The following DAGLB variants were observed in gnomAD, a reference collection of about 807,000 sequenced individuals.
The protein encoded by DAGLB is diacylglycerol lipase-beta.
In DAGLB, 66 loss-of-function variants were observed where a neutral mutation model predicts 72.1. The observed-to-expected ratio is 0.92, with a 90% confidence interval of 0.75 to 1.12. The LOEUF (loss-of-function observed/expected upper bound fraction) is 1.12, where lower values mean the gene tolerates loss of function less well. Among genes scored for constraint, DAGLB ranks in the 50% most tolerant of loss-of-function variants. DAGLB has a pLI of 0.00. For synonymous variants in DAGLB, 414 were observed against 359.5 expected (o/e 1.15, Z -1.71); for missense variants, 1,065 against 884.9 (o/e 1.20, Z -2.58).
Position 6,409,635 on chromosome 7 carries a change from G to T in DAGLB, c.*202C>A, listed in dbSNP as rs541472579. The T allele has an allele frequency of 9.1e-6, 6 of 660,524 alleles. No homozygotes were observed. The East Asian group carries it at 1.7e-4, about 19-fold the overall frequency. The allele number at this position is 660,524 out of a possible 1,614,324, so 40.9% of individuals were successfully genotyped here. ...TCAGGAGTCGTCCTATCACCTGAGC[G>T]TGCTCACTACTTCTGCTACCATTAT... On this transcript the variant is annotated 3_prime_UTR_variant, in exon 15 of 15. Transcript: ENST00000297056.
chr7:6,419,949 T>C (rs1784052916), intron 9 of DAGLB, among the ~76,000 whole-genome samples: 1 of 151,770 alleles, frequency 6.6e-6, no homozygotes, highest in African/African-American at 2.4e-5. Context: ...TCAAGACCAG[T>C]CTGGGCAACA....
At chr7:6,421,356 G>C (rs1784116380) in intron 9 of DAGLB, among the ~76,000 whole-genome samples, 1 of 141,942 alleles carries the variant, frequency 7.0e-6, no homozygotes, top group Non-Finnish European at 1.5e-5. Context: ...GGCAGCGCGG[G>C]AGGCGCAGGC....
chr7:6,413,091 C>T, intron 11 of DAGLB, 57 bp from the exon 12 acceptor site: 2 of 1,569,250 alleles, frequency 1.3e-6, no homozygotes, highest in Middle Eastern at 1.8e-4. Context: ...CCCACAAGGG[C>T]TTCCATGAAA....
At position 6,418,900 on chromosome 7, in the gene DAGLB, G is replaced by A. The variant is rs1189735758; in HGVS notation, c.1219-1979C>T. ...AGGATGGTCTCCATCTCCTGACCTC[G>A]TGATCCACCCGCCTCGGCCTCCCAA... is the stretch of plus-strand genomic sequence containing the variant. On this transcript the variant is annotated intron_variant, in intron 9 of 14. Coordinates refer to ENST00000297056, the MANE Select transcript of DAGLB (RefSeq NM_139179.4). 2.6e-5 allele frequency among the ~76,000 whole-genome samples: 4 copies of A among 151,572 alleles called. No homozygotes were observed. In the East Asian group the frequency reaches 5.9e-4, roughly 22 times the overall value.
intron 2 of DAGLB, among the ~76,000 whole-genome samples, chr7:6,440,153 G>A (rs1049571387): frequency 2.0e-5 from 3 of 151,896 alleles, no homozygotes; most frequent in African/African-American, 4.8e-5. Flanking sequence ...AGCACTTTGG[G>A]AGGCTGAGGC....
intron 6 of DAGLB, among the ~76,000 whole-genome samples, chr7:6,429,208 CTGATA>C (rs1299498059): frequency 6.7e-6 from 1 of 150,220 alleles, no homozygotes; most frequent in African/African-American, 2.5e-5. Flanking sequence ...CATGTATCCC[CTGATA>C]TGATACACTA....
At chr7:6,446,909 G>A (rs1284383753) in intron 1 of DAGLB, among the ~76,000 whole-genome samples, 1 of 152,052 alleles carries the variant, frequency 6.6e-6, no homozygotes, top group Non-Finnish European at 1.5e-5. Context: ...ACTTGGAAGA[G>A]TGAAGTGGGA....
chr7:6,414,008 A>C (rs1783820882), intron 11 of DAGLB, among the ~76,000 whole-genome samples: 2 of 152,146 alleles, frequency 1.3e-5, no homozygotes, highest in African/African-American at 4.8e-5. Context: ...CTGGGGTGAC[A>C]GAAAGGACTT....
chr7:6,423,847 A>G lies in DAGLB; in HGVS notation c.1140+905T>C, dbSNP rs192310929. On this transcript the variant is annotated intron_variant, in intron 8 of 14. Coordinates refer to ENST00000297056, the MANE Select transcript of DAGLB (RefSeq NM_139179.4). ...TGTGATCCACCCACCTTGGCCTCCCAAAGTGCTGGGATTACAGGCGCCACT... is the reference window on the plus strand; with the variant it reads ...TGTGATCCACCCACCTTGGCCTCCCGAAGTGCTGGGATTACAGGCGCCACT... Among the ~76,000 whole-genome samples, 538 of 152,240 alleles carry G rather than the reference A, an allele frequency of 3.5e-3. 1 individual carries two copies. Among genetic ancestry groups the G allele is most frequent in the Middle Eastern group, 0.01 (3 of 294 alleles).
intron 5 of DAGLB, among the ~76,000 whole-genome samples, chr7:6,432,157 C>A (rs1784505772): frequency 6.6e-6 from 1 of 151,760 alleles, no homozygotes; most frequent in Non-Finnish European, 1.5e-5. Flanking sequence ...TTGAGACCAG[C>A]CTGGCCAACA....
At chr7:6,439,828 G>A (rs1345451006) in intron 2 of DAGLB, among the ~76,000 whole-genome samples, 1 of 152,036 alleles carries the variant, frequency 6.6e-6, no homozygotes, top group African/African-American at 2.4e-5. Context: ...AAGGCGGGTG[G>A]ATCACCTGAG....
chr7:6,435,160 G>A, intron 3 of DAGLB, 140 bp from the exon 4 acceptor site: 1 of 1,290,102 alleles, frequency 7.8e-7, no homozygotes, highest in Non-Finnish European at 1.1e-6. Flanking sequence ...AGCTCTCCTG[G>A]AACCTGCCTG....
In DAGLB at chr7:6,416,400, C is replaced by T. The variant is rs143557056; in HGVS notation, c.1427+227G>A. The T allele has an allele frequency of 1.8e-4, 81 of 454,114 alleles. 1 individual carries two copies. Among genetic ancestry groups the T allele is most frequent in the East Asian group, 1.7e-3 (41 of 24,120 alleles). The allele number at this position is 454,114 out of a possible 1,614,324, so 28.1% of individuals were successfully genotyped here. ...CACTACTAAAAATACAAAAATTAGCCGGCATGCTGGCGGGTGTCTGTAGTC... is the reference window on the plus strand; with the variant it reads ...CACTACTAAAAATACAAAAATTAGCTGGCATGCTGGCGGGTGTCTGTAGTC... On this transcript the variant is annotated intron_variant, in intron 11 of 14. Transcript: ENST00000297056.
At position 6,416,758 on chromosome 7, in the gene DAGLB, G is replaced by A. The variant is rs201013220; in HGVS notation, c.1300-4C>T. The A allele has an allele frequency of 1.9e-6, 3 of 1,613,836 alleles. No individual in the cohort carries two copies. Among genetic ancestry groups the A allele is most frequent in the African/African-American group, 1.3e-5 (1 of 75,036 alleles). On this transcript the variant is annotated splice_polypyrimidine_tract_variant and splice_region_variant and intron_variant, in intron 10 of 14. Transcript: ENST00000297056. ...CCACTATGACCAGCCGGTACTCCTA[G>A]AGGACAGACAGCAGAATGAGGTGAA...
intron 11 of DAGLB, among the ~76,000 whole-genome samples, chr7:6,415,545 T>A (rs1054216522): frequency 4.0e-5 from 6 of 149,832 alleles, no homozygotes; most frequent in African/African-American, 1.5e-4. Context: ...CAAAAAAAAA[T>A]ATAAACTTTT....
At chr7:6,418,361 TC>T (rs1355858270) in intron 9 of DAGLB, among the ~76,000 whole-genome samples, 2 of 151,912 alleles carry the variant, frequency 1.3e-5, no homozygotes, top group Non-Finnish European at 1.5e-5. Flanking sequence ...ACAGTGAGAC[TC>T]TTTCTGAAAA....
chr7:6,434,700 G>C, intron 4 of DAGLB, 62 bp downstream of exon 4: 1 of 1,603,164 alleles, frequency 6.2e-7, no homozygotes, highest in Non-Finnish European at 8.5e-7. Context: ...AGAGGGACCG[G>C]CTCCATCAGA....
intron 4 of DAGLB, 88 bp downstream of exon 4, chr7:6,434,674 G>T (rs1034530183): frequency 8.9e-6 from 14 of 1,572,020 alleles, no homozygotes; most frequent in South Asian, 2.3e-5. Context: ...GTTCTCAAAC[G>T]CGGTTTTATG....
At chr7:6,428,039 G>A (rs1190726437) in intron 6 of DAGLB, among the ~76,000 whole-genome samples, 1 of 152,178 alleles carries the variant, frequency 6.6e-6, no homozygotes. Flanking sequence ...TAGAAGAAAT[G>A]ATGAATTTAG....
Sources: gnomAD v4.1 joint callset for allele counts (sites outside exome capture counted in the v4.1 genomes callset) on GRCh38, gnomAD v4.1.1 for gene constraint, MANE v1.5 for transcripts, NCBI Gene and HGNC (gene_info 2026-07-23, HGNC 2026-07-21) for gene names.